Variants in EXOSC4 observed in about 807,000 individuals in gnomAD.
The protein encoded by EXOSC4 is exosome complex component RRP41.
Under a neutral mutation model 20.0 loss-of-function variants are expected in EXOSC4, and 14 were observed. The observed-to-expected ratio is 0.70, with a 90% confidence interval of 0.46 to 1.09. The LOEUF is 1.09. Among genes scored for constraint, EXOSC4 ranks in the 50% least tolerant of loss-of-function variants. The pLI is 0.00. For missense variants in EXOSC4, 337 were observed against 334.0 expected, an observed-to-expected ratio of 1.01 and a Z score of -0.07; for synonymous variants, 148 against 146.4, an observed-to-expected ratio of 1.01 and a Z score of -0.08.
chr8:144,076,123 C>T (rs956132002), upstream of EXOSC4, among the ~76,000 whole-genome samples: 1 of 152,172 alleles, frequency 6.6e-6, no homozygotes, highest in East Asian at 1.9e-4. Flanking sequence ...ACATGCTTGG[C>T]ACAGACTGTG....
Position 144,078,897 on chromosome 8 carries a change from G to GAGGCGAGT in EXOSC4, c.170_171+6dup, listed in dbSNP as rs782226591. Reference sequence around the variant, plus strand: ...ACTGGCTGTGGTCTACGGCCCGCACGAGGCGAGTGGGCGCGCGGGATGGGG... The same window carrying GAGGCGAGT: ...ACTGGCTGTGGTCTACGGCCCGCACGAGGCGAGTAGGCGAGTGGGCGCGCGGGATGGGG... On this transcript the variant is annotated frameshift_variant and splice_region_variant, in exon 1 of 3. Coordinates refer to ENST00000316052, the MANE Select transcript of EXOSC4 (RefSeq NM_019037.3). LOFTEE classifies it high-confidence loss of function. This position sits in a 1 kb window ranked among gnomAD's most constrained non-coding sequence, Gnocchi z 4.7. 2.0e-5 allele frequency: 29 copies of GAGGCGAGT among 1,473,224 alleles called. No homozygotes were observed. The highest frequency in any genetic ancestry group is 2.5e-5 in the Non-Finnish European group (28 of 1,108,268). The allele number at this position is 1,473,224 out of a possible 1,614,324, so 91.3% of individuals were successfully genotyped here.
In EXOSC4 at chr8:144,080,421, C is replaced by T; in HGVS notation, c.558C>T (p.Ala186=). Residue 186 remains alanine (A), a synonymous_variant, in exon 3 of 3, where the codon GCC becomes GCT. Coordinates refer to ENST00000316052, the MANE Select transcript of EXOSC4 (RefSeq NM_019037.3). The surrounding 1 kb of genome is among the most constrained non-coding windows in gnomAD (Gnocchi z 4.9). ...AAGCAGCTGGTGGCCCCCAGCTGGCCCTGGCCCTGCTGCCAGCCTCAGGAC... is the reference window on the plus strand; with the variant it reads ...AAGCAGCTGGTGGCCCCCAGCTGGCTCTGGCCCTGCTGCCAGCCTCAGGAC... ...VEEAAGGPQL[A]LALLPASGQI... 1 of 1,610,726 alleles carries T rather than the reference C, an allele frequency of 6.2e-7. No individual in the cohort carries two copies. The highest frequency in any genetic ancestry group is 8.5e-7 in the Non-Finnish European group (1 of 1,179,982).
chr8:144,072,948 C>T, the EXOSC4 span, among the ~76,000 whole-genome samples: 1 of 152,180 alleles, frequency 6.6e-6, no homozygotes, highest in Admixed American at 6.5e-5. Flanking sequence ...TTTGAAGGGG[C>T]CCAGACTCTG....
chr8:144,075,009 T>C (rs1835823868), upstream of EXOSC4, among the ~76,000 whole-genome samples: 1 of 152,188 alleles, frequency 6.6e-6, no homozygotes, highest in South Asian at 2.1e-4. Flanking sequence ...AGTAATAAAA[T>C]TAAATTTTGA....
At chr8:144,075,406 T>G (rs1276394141), upstream of EXOSC4, among the ~76,000 whole-genome samples, 11 of 152,196 alleles carry the variant, frequency 7.2e-5, no homozygotes, top group Admixed American at 5.9e-4. Context: ...TTTGATATTT[T>G]TAGTAGAGTC....
chr8:144,069,784 G>A, the EXOSC4 span, among the ~76,000 whole-genome samples: 3 of 152,254 alleles, frequency 2.0e-5, no homozygotes, highest in African/African-American at 7.2e-5. Context: ...AAAGGATGGA[G>A]CTGCTTTATC....
At chr8:144,073,643 G>T in the EXOSC4 span, among the ~76,000 whole-genome samples, 3 of 151,992 alleles carry the variant, frequency 2.0e-5, no homozygotes, top group Non-Finnish European at 4.4e-5. Flanking sequence ...ACTAGGTCAG[G>T]AGTTTGAGGC....
upstream of EXOSC4, among the ~76,000 whole-genome samples, chr8:144,074,599 T>G (rs573731623): frequency 3.9e-5 from 6 of 152,270 alleles, no homozygotes; most frequent in African/African-American, 1.4e-4. Flanking sequence ...TGAGACAGCC[T>G]GGCTCTGTGG....
the EXOSC4 span, among the ~76,000 whole-genome samples, chr8:144,064,894 T>G: frequency 2.0e-5 from 3 of 149,354 alleles, no homozygotes; most frequent in East Asian, 5.9e-4. Flanking sequence ...CAGGCTGGAG[T>G]GCAGTGGCGC....
At chr8:144,077,680 G>A (rs984070484), upstream of EXOSC4, among the ~76,000 whole-genome samples, 17 of 152,238 alleles carry the variant, frequency 1.1e-4, no homozygotes. Flanking sequence ...TGTGGCAGGA[G>A]GGACACTATG....
At chr8:144,067,276 A>G in the EXOSC4 span, among the ~76,000 whole-genome samples, 4 of 152,174 alleles carry the variant, frequency 2.6e-5, no homozygotes, top group Non-Finnish European at 4.4e-5. Flanking sequence ...TGATTAGGTT[A>G]TGTTTTTTGA....
At position 144,078,889 on chromosome 8, in the gene EXOSC4, G is replaced by A. The variant is rs1554763108; in HGVS notation, c.161G>A (p.Gly54Asp). Reference sequence around the variant, plus strand: ...ACCAAGGCACTGGCTGTGGTCTACGGCCCGCACGAGGCGAGTGGGCGCGCG... The same window carrying A: ...ACCAAGGCACTGGCTGTGGTCTACGACCCGCACGAGGCGAGTGGGCGCGCG... ...GNTKALAVVY[G>D]PHEIRGSRAR... Residue 54 changes from glycine to aspartate, a missense_variant, in exon 1 of 3, where the codon GGC becomes GAC. By Grantham distance (94) the Gly-to-Asp change is moderately conservative. Coordinates refer to ENST00000316052, the MANE Select transcript of EXOSC4 (RefSeq NM_019037.3). The surrounding 1 kb of genome is among the most constrained non-coding windows in gnomAD (Gnocchi z 4.7). The A allele has an allele frequency of 6.7e-7, 1 of 1,489,904 alleles. No homozygotes were observed. The highest frequency in any genetic ancestry group is 8.9e-7 in the Non-Finnish European group (1 of 1,117,502). The allele number at this position is 1,489,904 out of a possible 1,614,324, so 92.3% of individuals were successfully genotyped here.
the EXOSC4 span, among the ~76,000 whole-genome samples, chr8:144,065,562 C>G: frequency 6.6e-6 from 1 of 151,596 alleles, no homozygotes; most frequent in East Asian, 1.9e-4. Context: ...AACCCCATCT[C>G]TACTAAAAAA....
chr8:144,080,534 T>C lies in EXOSC4; in HGVS notation c.671T>C (p.Val224Ala), dbSNP rs1554763362. The change falls in exon 3 of 3, where the codon GTG (valine) becomes GCG (alanine). Residue 224 changes from valine to alanine, a missense_variant. Transcript: ENST00000316052. The surrounding 1 kb of genome is among the most constrained non-coding windows in gnomAD (Gnocchi z 4.9). The part of the protein sequence containing the change: ...LEAAAQAARD[V>A]HTLLDRVVRQ... ...GCTGCTGCCCAGGCTGCCCGAGATG[T>C]GCACACCCTCTTAGATCGAGTGGTC... 6.2e-7 allele frequency: 1 copy of C among 1,602,836 alleles called. No individual in the cohort carries two copies. Among genetic ancestry groups the C allele is most frequent in the Non-Finnish European group, 8.5e-7 (1 of 1,179,954 alleles).
At chr8:144,079,658 AG>A (rs1367157880) in intron 1 of EXOSC4, 3 of 585,534 alleles carry the variant, frequency 5.1e-6, no homozygotes, top group Non-Finnish European at 9.6e-6. Context: ...AACCTTTGTA[AG>A]GTAGTTAGGA....
At chr8:144,065,396 C>T in the EXOSC4 span, among the ~76,000 whole-genome samples, 61 of 152,062 alleles carry the variant, frequency 4.0e-4, no homozygotes, top group African/African-American at 1.4e-3. Context: ...CTCCAGGAGA[C>T]TGGGGGCAAC....
At chr8:144,072,289 TTC>T in the EXOSC4 span, among the ~76,000 whole-genome samples, 3 of 152,218 alleles carry the variant, frequency 2.0e-5, no homozygotes, top group Non-Finnish European at 4.4e-5. Flanking sequence ...CCAGTGATTC[TTC>T]TGCCTCAGCC....
At position 144,079,903 on chromosome 8, in the gene EXOSC4, G is replaced by A. The variant is rs782588361; in HGVS notation, c.172-40G>A. ...CACAGAGGACAGTGGAGTGTGAGCT[G>A]GAAGGAGTGGGCCTGGCTCATGTGT... On this transcript the variant is annotated intron_variant, in intron 1 of 2. Coordinates refer to ENST00000316052, the MANE Select transcript of EXOSC4 (RefSeq NM_019037.3). 6 of 1,593,186 alleles carry A rather than the reference G, an allele frequency of 3.8e-6. No individual in the cohort carries two copies. In the South Asian group the frequency reaches 4.4e-5, roughly 12 times the overall value.
At chr8:144,071,174 C>CCCCCTCCCCTCCCCCTTCCCCTCTCCT in the EXOSC4 span, among the ~76,000 whole-genome samples, 1 of 74,120 alleles carries the variant, frequency 1.3e-5, no homozygotes, top group African/African-American at 5.5e-5. Flanking sequence ...TCCCTCCCCT[C>CCCCCTCCCCTCCCCCTTCCCCTCTCCT]CCCCTCCCCT....
Sources: gnomAD v4.1 joint callset for allele counts (sites outside exome capture counted in the v4.1 genomes callset) on GRCh38, gnomAD v4.1.1 for gene constraint, Gnocchi (gnomAD v3.1) non-coding constraint, MANE v1.5 for transcripts, NCBI Gene and HGNC (gene_info 2026-07-23, HGNC 2026-07-21) for gene names.